The following DISC1 variants were observed in gnomAD, a reference collection of about 807,000 sequenced individuals.
DISC1 encodes DISC1 scaffold protein.
DISC1 carries 57 observed loss-of-function variants against 84.5 expected under a neutral mutation model. The ratio of observed to expected loss-of-function variants is 0.67; its 90% confidence interval spans 0.55 to 0.84. The LOEUF is 0.84. Ranked by LOEUF, DISC1 falls within the 40% of genes least tolerant of loss-of-function variation. DISC1 has a pLI of 0.00. For missense variants in DISC1, 1,000 were observed against 1,057.8 expected (o/e 0.95, Z 0.76); for synonymous variants, 411 against 415.2 (o/e 0.99, Z 0.12).
chr1:231,939,195 G>T (rs574426305), intron 9 of DISC1, among the ~76,000 whole-genome samples: 1 of 152,336 alleles, frequency 6.6e-6, no homozygotes, highest in South Asian at 2.1e-4. Flanking sequence ...TAGTAATAGA[G>T]TGGTTTCCAA....
intron 10 of DISC1, among the ~76,000 whole-genome samples, chr1:231,994,748 G>T (rs1394742612): frequency 2.0e-5 from 3 of 152,084 alleles, no homozygotes; most frequent in Non-Finnish European, 4.4e-5. Context: ...AATGTCCCTT[G>T]TTGTCTGGCA....
chr1:231,999,728 G>C (rs74146536), intron 10 of DISC1, among the ~76,000 whole-genome samples: 14,349 of 152,092 alleles, frequency 0.094, 2,108 homozygotes, highest in African/African-American at 0.31. Context: ...GACCTGGGGG[G>C]AGGCCCCTTC....
chr1:231,733,749 G>A (rs868436801), intron 3 of DISC1, among the ~76,000 whole-genome samples: 2 of 124,308 alleles, frequency 1.6e-5, no homozygotes, highest in Non-Finnish European at 3.6e-5. Context: ...TGGTGGTGGT[G>A]CCATGAGTAG....
At chr1:231,872,859 G>A (rs1264168831) in intron 9 of DISC1, among the ~76,000 whole-genome samples, 1 of 152,206 alleles carries the variant, frequency 6.6e-6, no homozygotes. Context: ...TCAGAGGCAG[G>A]TTCCTTTTAC....
At chr1:232,030,305 C>A (rs924099293) in intron 12 of DISC1, among the ~76,000 whole-genome samples, 1 of 152,224 alleles carries the variant, frequency 6.6e-6, no homozygotes, top group African/African-American at 2.4e-5. Flanking sequence ...AACCAAAAGC[C>A]TTCCAAATTA....
intron 4 of DISC1, among the ~76,000 whole-genome samples, chr1:231,765,059 G>A (rs530428168): frequency 1.7e-4 from 26 of 151,888 alleles, no homozygotes; most frequent in Admixed American, 2.6e-4. Flanking sequence ...CTGTGGTGGC[G>A]CGTGCCTGTA....
intron 10 of DISC1, among the ~76,000 whole-genome samples, chr1:232,003,342 A>G (rs1772698): frequency 0.28 from 43,213 of 151,836 alleles, 6,354 homozygotes; most frequent in African/African-American, 0.33. Flanking sequence ...TTAGTATCAG[A>G]CAATTTAGGC....
chr1:231,633,343 A>G (rs1485986464), intron 1 of DISC1, among the ~76,000 whole-genome samples: 2 of 152,174 alleles, frequency 1.3e-5, no homozygotes, highest in African/African-American at 4.8e-5. Flanking sequence ...TGTCATTGGA[A>G]GTATGTAGGG....
At chr1:231,773,172 A>G (rs2076686737) in intron 6 of DISC1, among the ~76,000 whole-genome samples, 1 of 152,202 alleles carries the variant, frequency 6.6e-6, no homozygotes, top group South Asian at 2.1e-4. Context: ...CCAGAGAGCC[A>G]AGGAAGCTAT....
At chr1:232,004,183 A>G (rs940957235) in intron 10 of DISC1, among the ~76,000 whole-genome samples, 3 of 151,980 alleles carry the variant, frequency 2.0e-5, no homozygotes. Flanking sequence ...GCTAATAAAA[A>G]GTAAGATAAT....
chr1:231,664,026 C>G (rs909313357), intron 1 of DISC1, among the ~76,000 whole-genome samples: 2 of 141,988 alleles, frequency 1.4e-5, no homozygotes, highest in Non-Finnish European at 3.0e-5. Flanking sequence ...ATCTATCTAT[C>G]TATCCATCTA....
chr1:231,969,598 C>T (rs112483556), intron 10 of DISC1, among the ~76,000 whole-genome samples: 6,810 of 126,178 alleles, frequency 0.054, 253 homozygotes, highest in East Asian at 0.2. Flanking sequence ...TTCTTTCTTT[C>T]TTTTTTTTTT....
intron 3 of DISC1, among the ~76,000 whole-genome samples, chr1:231,747,771 T>C (rs909577306): frequency 5.9e-5 from 9 of 152,182 alleles, no homozygotes; most frequent in African/African-American, 2.2e-4. Flanking sequence ...ATACAAACTT[T>C]AGGATTTTTT....
chr1:231,808,951 T>C (rs1289470692), intron 8 of DISC1, among the ~76,000 whole-genome samples: 1 of 152,156 alleles, frequency 6.6e-6, no homozygotes, highest in Non-Finnish European at 1.5e-5. Context: ...AGGGCAGTCC[T>C]TTGTCCCTGG....
rs1032355126 is a variant in DISC1 at position 231,754,676 on chromosome 1, G to A, written c.1268+4600G>A. On this transcript the variant is annotated intron_variant, in intron 4 of 12. Coordinates refer to ENST00000439617, the MANE Select transcript of DISC1 (RefSeq NM_018662.3). ...TTATTCTGGTCTTGCCTAAGTTTTT[G>A]ATAGAATATGATTAACTAAAAGCCA... is the stretch of plus-strand genomic sequence containing the variant. 1.2e-4 allele frequency among the ~76,000 whole-genome samples: 18 copies of A among 152,266 alleles called. No individual in the cohort carries two copies. In the East Asian group the frequency reaches 2.7e-3, roughly 23 times the overall value.
chr1:231,637,479 C>T (rs1392024016), intron 1 of DISC1, among the ~76,000 whole-genome samples: 1 of 152,222 alleles, frequency 6.6e-6, no homozygotes, highest in Non-Finnish European at 1.5e-5. Context: ...TGAGTAATTT[C>T]TCATCCTTCA....
At chr1:231,809,523 T>TTTA (rs1491410470) in intron 8 of DISC1, among the ~76,000 whole-genome samples, 4 of 78,140 alleles carry the variant, frequency 5.1e-5, no homozygotes, top group African/African-American at 9.4e-5. Flanking sequence ...CTTTTTTTTT[T>TTTA]GAAAAAAAAA....
intron 9 of DISC1, among the ~76,000 whole-genome samples, chr1:231,883,824 T>C (rs2086469648): frequency 1.3e-5 from 2 of 152,118 alleles, no homozygotes; most frequent in Non-Finnish European, 2.9e-5. Flanking sequence ...AGAAACATGA[T>C]GCGTTCAGGG....
intron 6 of DISC1, among the ~76,000 whole-genome samples, chr1:231,788,155 G>A (rs543908968): frequency 2.0e-5 from 3 of 152,226 alleles, no homozygotes; most frequent in East Asian, 1.9e-4. Flanking sequence ...GTGTGCTGGC[G>A]CAGGCCTGTA....
Sources: gnomAD v4.1 joint callset for allele counts (sites outside exome capture counted in the v4.1 genomes callset) on GRCh38, gnomAD v4.1.1 for gene constraint, MANE v1.5 for transcripts, NCBI Gene and HGNC (gene_info 2026-07-23, HGNC 2026-07-21) for gene names.